The following SCHIP1 variants were observed in gnomAD, a reference collection of about 807,000 sequenced individuals.
The protein encoded by SCHIP1 is schwannomin-interacting protein 1.
A neutral mutation model predicts 29.7 loss-of-function variants in SCHIP1; 8 were observed. The ratio of observed to expected loss-of-function variants is 0.27; its 90% CI spans 0.16 to 0.49. SCHIP1 has a LOEUF of 0.49. Ranked by LOEUF, SCHIP1 falls within the 20% of genes least tolerant of loss-of-function variation. The pLI, the probability that SCHIP1 is intolerant of heterozygous loss-of-function variation, is 0.99. For missense variants in SCHIP1, 193 were observed against 294.6 expected, an observed-to-expected ratio of 0.66 and a Z score of 2.52; for synonymous variants, 76 against 94.9, an observed-to-expected ratio of 0.80 and a Z score of 1.16.
At chr3:159,798,329 A>G in the SCHIP1 span, among the ~76,000 whole-genome samples, 1 of 152,202 alleles carries the variant, frequency 6.6e-6, no homozygotes, top group African/African-American at 2.4e-5. Context: ...GTAAAATGGG[A>G]GTATTAATAC....
At chr3:159,564,665 T>A in the SCHIP1 span, among the ~76,000 whole-genome samples, 1 of 152,322 alleles carries the variant, frequency 6.6e-6, no homozygotes, top group African/African-American at 2.4e-5. Flanking sequence ...TGTGAGCCAC[T>A]GTGGCCAGCC....
chr3:159,723,124 T>C, the SCHIP1 span, among the ~76,000 whole-genome samples: 4 of 152,172 alleles, frequency 2.6e-5, no homozygotes, highest in Non-Finnish European at 5.9e-5. Context: ...CATCCAAAAT[T>C]TGAGATCCAC....
chr3:159,656,970 T>C, the SCHIP1 span, among the ~76,000 whole-genome samples: 1 of 151,908 alleles, frequency 6.6e-6, no homozygotes, highest in Non-Finnish European at 1.5e-5. Flanking sequence ...CCAGGGGCAT[T>C]TGAGGTCACA....
chr3:159,381,509 G>A, the SCHIP1 span, among the ~76,000 whole-genome samples: 266 of 152,190 alleles, frequency 1.7e-3, no homozygotes, highest in Middle Eastern at 0.01. Context: ...CTTGATGGTG[G>A]CCCTTAAAGA....
chr3:159,827,754 G>A, the SCHIP1 span, among the ~76,000 whole-genome samples: 2 of 151,100 alleles, frequency 1.3e-5, no homozygotes, highest in African/African-American at 2.4e-5. Context: ...GCAGTGAGCC[G>A]AGATTGCGCC....
the SCHIP1 span, among the ~76,000 whole-genome samples, chr3:159,287,297 ATATT>A: frequency 2.6e-5 from 4 of 151,288 alleles, no homozygotes; most frequent in African/African-American, 9.7e-5. Flanking sequence ...TTCTATTCTT[ATATT>A]TATTTTTATT....
chr3:159,539,913 A>G, the SCHIP1 span, among the ~76,000 whole-genome samples: 1 of 152,078 alleles, frequency 6.6e-6, no homozygotes, highest in Admixed American at 6.6e-5. Flanking sequence ...TAGGAAATAT[A>G]GTCATTTCAT....
the SCHIP1 span, among the ~76,000 whole-genome samples, chr3:159,713,245 AAAG>A: frequency 7.8e-6 from 1 of 128,898 alleles, no homozygotes; most frequent in Non-Finnish European, 1.7e-5. Flanking sequence ...AGAAAGAAAG[AAAG>A]AAAGAAAGAA....
chr3:159,417,033 G>A, the SCHIP1 span, among the ~76,000 whole-genome samples: 8 of 152,196 alleles, frequency 5.3e-5, no homozygotes, highest in South Asian at 2.1e-4. Context: ...ACCTCAATCT[G>A]TAATGTGGCT....
chr3:159,894,493 G>C (rs1717864856), intron 6 of SCHIP1: 1 of 152,196 alleles, frequency 6.6e-6, no homozygotes, highest in South Asian at 2.1e-4. Flanking sequence ...TCGATCATAA[G>C]ACTGTGTTAA....
the SCHIP1 span, among the ~76,000 whole-genome samples, chr3:159,507,818 C>G: frequency 6.6e-6 from 1 of 152,148 alleles, no homozygotes; most frequent in Admixed American, 6.5e-5. Context: ...GGATGAAGCC[C>G]ACTTGATCAT....
the SCHIP1 span, among the ~76,000 whole-genome samples, chr3:159,523,428 A>T: frequency 2.0e-5 from 3 of 152,210 alleles, no homozygotes; most frequent in African/African-American, 4.8e-5. Flanking sequence ...TTCTTAAAGA[A>T]TATTGGGTTT....
chr3:159,444,866 T>C, the SCHIP1 span, among the ~76,000 whole-genome samples: 1 of 152,106 alleles, frequency 6.6e-6, no homozygotes, highest in Non-Finnish European at 1.5e-5. Context: ...AGGACAAGGT[T>C]TGGGTCAATT....
chr3:159,498,004 C>G, the SCHIP1 span, among the ~76,000 whole-genome samples: 2 of 152,056 alleles, frequency 1.3e-5, no homozygotes, highest in East Asian at 3.9e-4. Context: ...TTTTTTTTCT[C>G]TCTCCCTGAT....
At chr3:159,605,594 T>TA in the SCHIP1 span, among the ~76,000 whole-genome samples, 1 of 152,050 alleles carries the variant, frequency 6.6e-6, no homozygotes, top group African/African-American at 2.4e-5. Flanking sequence ...AGGACACACA[T>TA]AAAATTTTGA....
At chr3:159,315,168 TG>T in the SCHIP1 span, among the ~76,000 whole-genome samples, 2 of 151,732 alleles carry the variant, frequency 1.3e-5, no homozygotes, top group Non-Finnish European at 2.9e-5. Context: ...TGTCAACACT[TG>T]GTACTATCAG....
chr3:159,284,105 A>G, the SCHIP1 span, among the ~76,000 whole-genome samples: 1 of 152,302 alleles, frequency 6.6e-6, no homozygotes, highest in East Asian at 1.9e-4. Flanking sequence ...CTCTAATTTC[A>G]TATAGCATGG....
the SCHIP1 span, among the ~76,000 whole-genome samples, chr3:159,591,931 A>T: frequency 4.0e-5 from 6 of 151,816 alleles, no homozygotes; most frequent in Non-Finnish European, 8.8e-5. Flanking sequence ...AACTTAAAAT[A>T]AAAAAAATTA....
the SCHIP1 span, among the ~76,000 whole-genome samples, chr3:159,436,823 G>A: frequency 1.3e-5 from 2 of 152,044 alleles, no homozygotes; most frequent in African/African-American, 4.8e-5. Flanking sequence ...ATGTCAGTTT[G>A]CCTCCTGGTC....
Sources: allele counts gnomAD v4.1 joint callset (sites outside exome capture counted in the v4.1 genomes callset), GRCh38; gene constraint gnomAD v4.1.1; transcripts MANE v1.5; gene names NCBI Gene and HGNC (gene_info 2026-07-23, HGNC 2026-07-21).